The following NWD2 variants were observed in gnomAD, a reference collection of about 807,000 sequenced individuals.
NWD2 encodes NACHT and WD repeat domain-containing protein 2.
NWD2 carries 37 observed loss-of-function variants against 132.7 expected under a neutral mutation model. That is an observed-to-expected ratio of 0.28 (90% confidence interval 0.21 to 0.37). NWD2 has a LOEUF of 0.37. NWD2 is among the 10% of genes least tolerant of loss of function. The pLI is 1.00. For synonymous variants in NWD2, 705 were observed against 803.0 expected (o/e 0.88, Z 2.06); for missense variants, 1,592 against 2,122.4 (o/e 0.75, Z 4.91).
intron 1 of NWD2, among the ~76,000 whole-genome samples, chr4:37,284,297 C>T (rs1718183485): frequency 6.6e-6 from 1 of 152,232 alleles, no homozygotes; most frequent in African/African-American, 2.4e-5. Context: ...TCCAGGATAA[C>T]TCTACTTTCA....
chr4:37,317,951 C>A (rs538391839), intron 1 of NWD2, among the ~76,000 whole-genome samples: 1 of 150,978 alleles, frequency 6.6e-6, no homozygotes, highest in African/African-American at 2.4e-5. Context: ...ACAAACTATT[C>A]GCTCATTCAT....
chr4:37,303,711 G>C (rs182943135), intron 1 of NWD2, among the ~76,000 whole-genome samples: 2 of 151,956 alleles, frequency 1.3e-5, no homozygotes, highest in Non-Finnish European at 2.9e-5. Flanking sequence ...TTACAAATGC[G>C]ATTGATTTCT....
chr4:37,256,420 TTAAA>T (rs955786441), intron 1 of NWD2, among the ~76,000 whole-genome samples: 3 of 152,172 alleles, frequency 2.0e-5, no homozygotes, highest in African/African-American at 7.2e-5. Context: ...GTTGAAACTG[TTAAA>T]TAGACTGAAA....
At chr4:37,256,945 C>G (rs1009930664) in intron 1 of NWD2, among the ~76,000 whole-genome samples, 2 of 152,130 alleles carry the variant, frequency 1.3e-5, no homozygotes, top group East Asian at 1.9e-4. Context: ...TATGACTTCT[C>G]CCCTTGAATC....
intron 1 of NWD2, among the ~76,000 whole-genome samples, chr4:37,311,886 A>G (rs1718850394): frequency 6.6e-6 from 1 of 151,284 alleles, no homozygotes; most frequent in South Asian, 2.1e-4. Context: ...TAAATAGGGA[A>G]TCCTTTCCCT....
chr4:37,290,133 A>G (rs1294917174), intron 1 of NWD2, among the ~76,000 whole-genome samples: 1 of 152,164 alleles, frequency 6.6e-6, no homozygotes, highest in Non-Finnish European at 1.5e-5. Flanking sequence ...CACTGTCCTT[A>G]AGAAATTAGA....
intron 3 of NWD2, among the ~76,000 whole-genome samples, chr4:37,361,681 TAAG>T (rs1719984683): frequency 2.0e-5 from 3 of 152,204 alleles, no homozygotes; most frequent in Non-Finnish European, 2.9e-5. Context: ...CTCAAAATAA[TAAG>T]AGCCATCTAT....
intron 1 of NWD2, among the ~76,000 whole-genome samples, chr4:37,257,631 T>G (rs1469625409): frequency 6.6e-6 from 1 of 152,210 alleles, no homozygotes; most frequent in East Asian, 1.9e-4. Flanking sequence ...GAGAATTCCT[T>G]GAATAACTTC....
intron 1 of NWD2, among the ~76,000 whole-genome samples, chr4:37,252,098 A>G (rs1030174921): frequency 6.6e-6 from 1 of 152,234 alleles, no homozygotes; most frequent in Non-Finnish European, 1.5e-5. Context: ...CCGATAATGA[A>G]TAGAGCCAGG....
At position 37,405,421 on chromosome 4, in the gene NWD2, T is replaced by TAATAGAATAGAATAG. The variant is rs36213513; in HGVS notation, c.358-25093_358-25079dup. On this transcript the variant is annotated intron_variant, in intron 3 of 6. Coordinates refer to ENST00000309447, the MANE Select transcript of NWD2 (RefSeq NM_001144990.2). ...CCATCAGCAATTTTTTAGTTGAATGTAATAGAATAGAATAGAATAGAATAG... is the reference window on the plus strand; with the variant it reads ...CCATCAGCAATTTTTTAGTTGAATGTAATAGAATAGAATAGAATAGAATAGAATAGAATAGAATAG... Among the ~76,000 whole-genome samples the TAATAGAATAGAATAG allele has an allele frequency of 2.7e-3, 382 of 141,398 alleles. 3 individuals carry two copies. Among genetic ancestry groups the TAATAGAATAGAATAG allele is most frequent in the African/African-American group, 4.3e-3 (162 of 37,336 alleles). The allele number at this position is 141,398 out of a possible 152,430, so 92.8% of individuals were successfully genotyped here.
At chr4:37,339,039 T>G (rs902129125) in intron 2 of NWD2, among the ~76,000 whole-genome samples, 1 of 152,230 alleles carries the variant, frequency 6.6e-6, no homozygotes, top group Non-Finnish European at 1.5e-5. Context: ...GAAATGCATG[T>G]CTCTTTGTTT....
At chr4:37,412,792 A>AGATACCAAAACAGATAT (rs1196492482) in intron 3 of NWD2, among the ~76,000 whole-genome samples, 1 of 152,224 alleles carries the variant, frequency 6.6e-6, no homozygotes, top group Admixed American at 6.5e-5. Context: ...TATATAGACC[A>AGATACCAAAACAGATAT]ATAGAACAGA....
intron 1 of NWD2, among the ~76,000 whole-genome samples, chr4:37,270,026 G>A (rs1717835307): frequency 6.6e-6 from 1 of 151,730 alleles, no homozygotes; most frequent in South Asian, 2.1e-4. Context: ...TGAGTATGAA[G>A]TGATGTTTCA....
intron 1 of NWD2, among the ~76,000 whole-genome samples, chr4:37,309,939 C>A (rs1481865945): frequency 6.6e-6 from 1 of 152,212 alleles, no homozygotes; most frequent in East Asian, 1.9e-4. Flanking sequence ...GGCTCTTCTA[C>A]TCAGCTATCT....
intron 1 of NWD2, among the ~76,000 whole-genome samples, chr4:37,260,986 CA>C (rs1717624809): frequency 6.6e-6 from 1 of 152,206 alleles, no homozygotes; most frequent in Non-Finnish European, 1.5e-5. Context: ...TTTTCTGACT[CA>C]GTGACCTTAA....
chr4:37,348,566 T>C (rs1193494334), intron 2 of NWD2, among the ~76,000 whole-genome samples: 2 of 114,568 alleles, frequency 1.7e-5, no homozygotes, highest in Admixed American at 2.3e-4. Flanking sequence ...TTGCCAACTT[T>C]TCTTTTTCCT....
chr4:37,304,337 GAC>G (rs1206432071), intron 1 of NWD2, among the ~76,000 whole-genome samples: 1 of 152,138 alleles, frequency 6.6e-6, no homozygotes, highest in Non-Finnish European at 1.5e-5. Context: ...TTTGGGTGGA[GAC>G]ACAGAGCCAA....
intron 3 of NWD2, among the ~76,000 whole-genome samples, chr4:37,426,642 T>C (rs2928292): frequency 0.48 from 72,607 of 152,032 alleles, 17,939 homozygotes; most frequent in South Asian, 0.57. Context: ...CATGAGACCA[T>C]ATATGCACTG....
At chr4:37,289,599 A>G (rs546831518) in intron 1 of NWD2, among the ~76,000 whole-genome samples, 9 of 152,324 alleles carry the variant, frequency 5.9e-5, no homozygotes, top group African/African-American at 1.7e-4. Flanking sequence ...TTTAGCATGC[A>G]TATCATTAAA....
Sources: gnomAD v4.1 joint callset for allele counts (sites outside exome capture counted in the v4.1 genomes callset) on GRCh38, gnomAD v4.1.1 for gene constraint, MANE v1.5 for transcripts, NCBI Gene and HGNC (gene_info 2026-07-23, HGNC 2026-07-21) for gene names.